SLC22A25: variants seen among roughly 807,000 people sequenced by gnomAD.
SLC22A25 encodes the protein MGI:2442751, MGI:2385316, MGI:3042283, MGI:3645714, MGI:3605624, MGI:2442750.
A neutral mutation model predicts 45.9 loss-of-function variants in SLC22A25; 44 were observed. The observed-to-expected ratio is 0.96, with a 90% CI of 0.75 to 1.23. The LOEUF is 1.23. Among genes scored for constraint, SLC22A25 ranks in the 50% most tolerant of loss-of-function variants. The pLI is 0.00. For synonymous variants in SLC22A25, 283 were observed against 238.6 expected (o/e 1.19, Z -1.72); for missense variants, 800 against 666.4 (o/e 1.20, Z -2.21).
intron 5 of SLC22A25, among the ~76,000 whole-genome samples, chr11:63,226,947 A>G (rs2089974430): frequency 6.6e-6 from 1 of 152,154 alleles, no homozygotes; most frequent in South Asian, 2.1e-4. Context: ...CATGTGGAAT[A>G]CTTCCAGGGT....
At chr11:63,225,250 T>G (rs1354178834) in intron 5 of SLC22A25, among the ~76,000 whole-genome samples, 1 of 151,972 alleles carries the variant, frequency 6.6e-6, no homozygotes, top group African/African-American at 2.4e-5. Flanking sequence ...GATAATTTCT[T>G]ATGGCTCATT....
intron 9 of SLC22A25, chr11:63,166,512 T>G: frequency 1.7e-6 from 2 of 1,207,276 alleles, no homozygotes; most frequent in Admixed American, 8.1e-5. Flanking sequence ...TTTATTTATT[T>G]TAAAAGCAAT....
rs1447994675 is a variant in SLC22A25, at chr11:63,183,633, C to T, written c.954+61G>A. 15 of 1,604,896 alleles carry T rather than the reference C, an allele frequency of 9.3e-6. No homozygotes were observed. In the Admixed American group the frequency reaches 2.5e-4, roughly 27 times the overall value. ...CCTTTATTCACCTTATGAACACCAA[C>T]AAGTATAGATGACAATTTATGTCTT... is the stretch of plus-strand genomic sequence containing the variant. On this transcript the variant is annotated intron_variant, in intron 8 of 11. Transcript: ENST00000306494.
chr11:63,219,222 A>G (rs2089793661), intron 5 of SLC22A25, among the ~76,000 whole-genome samples: 1 of 152,228 alleles, frequency 6.6e-6, no homozygotes, highest in African/African-American at 2.4e-5. Flanking sequence ...GAATTTAAGA[A>G]AATATAAATT....
Position 63,166,154 on chromosome 11 carries a change from G to T in SLC22A25, c.1175C>A (p.Ala392Asp). 6.2e-7 allele frequency: 1 copy of T among 1,614,022 alleles called. No individual in the cohort carries two copies. Among genetic ancestry groups the T allele is most frequent in the Non-Finnish European group, 8.5e-7 (1 of 1,179,966 alleles). The part of the protein sequence containing the change: ...QTLFGAVTLL[A>D]NCVAPWALNH... ...CAGTGCCCAAGGTGCAACACAATTG[G>T]CCAGGAGGGTGACTGCACCAAAGAG... The change falls in exon 10 of 12, where the codon GCC becomes GAC. Residue 392 changes from alanine (A) to aspartate (D), a missense_variant. Physicochemically the swap from Ala to Asp is moderately radical, Grantham distance 126. Coordinates refer to ENST00000306494, the MANE Select transcript of SLC22A25 (RefSeq NM_199352.6).
intron 5 of SLC22A25, among the ~76,000 whole-genome samples, chr11:63,219,467 G>A (rs2134820580): frequency 6.6e-6 from 1 of 152,258 alleles, no homozygotes; most frequent in East Asian, 1.9e-4. Flanking sequence ...ATTCATCCAT[G>A]TTATGGTACA....
intron 9 of SLC22A25, among the ~76,000 whole-genome samples, chr11:63,172,378 T>C (rs939522209): frequency 7.9e-5 from 12 of 152,074 alleles, no homozygotes; most frequent in African/African-American, 2.9e-4. Context: ...ATGGGATAAA[T>C]TTTTGCCATC....
At chr11:63,178,815 T>C (rs1030805184) in intron 9 of SLC22A25, among the ~76,000 whole-genome samples, 3 of 152,142 alleles carry the variant, frequency 2.0e-5, no homozygotes, top group Non-Finnish European at 2.9e-5. Context: ...TTTAGCTTGA[T>C]GTAATTCCAT....
intron 5 of SLC22A25, among the ~76,000 whole-genome samples, chr11:63,225,746 C>T (rs4315076): frequency 0.37 from 55,833 of 151,940 alleles, 10,540 homozygotes; most frequent in East Asian, 0.56. Context: ...TCTGCCTTCT[C>T]GAAGGCCAAT....
rs139417574 is a variant in SLC22A25, at chr11:63,195,009, C to A, written c.831-11192G>T. ...AGTGATCAAAAGAGACAAAGAAGGCCATTACATAATGGTAAAGGGATCAAT... is the reference window on the plus strand; with the variant it reads ...AGTGATCAAAAGAGACAAAGAAGGCAATTACATAATGGTAAAGGGATCAAT... On this transcript the variant is annotated intron_variant, in intron 7 of 11. Coordinates refer to ENST00000306494, the MANE Select transcript of SLC22A25 (RefSeq NM_199352.6). Among the ~76,000 whole-genome samples, 30 of 147,222 alleles carry A rather than the reference C, an allele frequency of 2.0e-4. No individual in the cohort carries two copies. The East Asian group carries it at 6.1e-3, about 30-fold the overall frequency.
At chr11:63,212,359 C>T (rs1282345103) in intron 7 of SLC22A25, among the ~76,000 whole-genome samples, 1 of 152,162 alleles carries the variant, frequency 6.6e-6, no homozygotes, top group Non-Finnish European at 1.5e-5. Flanking sequence ...TATAAAGACA[C>T]ACGCACACGT....
Position 63,230,049 on chromosome 11 carries a change from A to G in SLC22A25, c.-397T>C, listed in dbSNP as rs1056795624. Among the ~76,000 whole-genome samples, 1 of 152,240 alleles carries G rather than the reference A, an allele frequency of 6.6e-6. No individual in the cohort carries two copies. Among genetic ancestry groups the G allele is most frequent in the African/African-American group, 2.4e-5 (1 of 41,470 alleles). Reference sequence around the variant, plus strand: ...CTGCTACTTGGTATGCAGTCTTTCCAGAACGTGTAATCTGTGGGACTCAAA... The same window carrying G: ...CTGCTACTTGGTATGCAGTCTTTCCGGAACGTGTAATCTGTGGGACTCAAA... On this transcript the variant is annotated 5_prime_UTR_variant, in exon 4 of 12. Transcript: ENST00000306494.
At chr11:63,206,163 A>G (rs1382314040) in intron 7 of SLC22A25, among the ~76,000 whole-genome samples, 2 of 152,338 alleles carry the variant, frequency 1.3e-5, no homozygotes, top group African/African-American at 2.4e-5. Context: ...TTTATTATGA[A>G]CCTATAGCCA....
chr11:63,164,159 G>A (rs1360485544), intron 11 of SLC22A25, 86 bp from the exon 12 acceptor site: 3 of 1,484,050 alleles, frequency 2.0e-6, no homozygotes, highest in African/African-American at 2.8e-5. Context: ...GATTATGGAT[G>A]AGCACTTAAA....
At chr11:63,203,367 A>C (rs555581641) in intron 7 of SLC22A25, among the ~76,000 whole-genome samples, 97 of 152,172 alleles carry the variant, frequency 6.4e-4, no homozygotes, top group Non-Finnish European at 8.8e-5. Flanking sequence ...TCTGAGCTAA[A>C]GGAGCATGTT....
intron 11 of SLC22A25, 61 bp downstream of exon 11, chr11:63,164,462 TAAG>T: frequency 7.2e-7 from 1 of 1,379,848 alleles, no homozygotes; most frequent in Non-Finnish European, 1.0e-6. Flanking sequence ...TTTCCCTTGT[TAAG>T]TGTCAATTGG....
chr11:63,167,500 T>G (rs1379092316), intron 9 of SLC22A25: 1 of 152,332 alleles, frequency 6.6e-6, no homozygotes, highest in Non-Finnish European at 1.5e-5. Flanking sequence ...CCACCATTAC[T>G]GAGGCTTGTG....
chr11:63,177,496 T>C (rs972531313), intron 9 of SLC22A25, among the ~76,000 whole-genome samples: 1 of 151,952 alleles, frequency 6.6e-6, no homozygotes. Context: ...GAAAACTAGA[T>C]CTTATTTTTT....
Position 63,210,777 on chromosome 11 carries a change from G to A in SLC22A25, c.830+6537C>T, listed in dbSNP as rs1002081133. On this transcript the variant is annotated intron_variant, in intron 7 of 11. Transcript: ENST00000306494. ...CTCCACGAAGAACTGTGCTACTATC[G>A]TAGGGGCTACTGGGGCCAAAGAAAA... 5.9e-5 allele frequency among the ~76,000 whole-genome samples: 9 copies of A among 152,142 alleles called. No homozygotes were observed. In the South Asian group the frequency reaches 1.0e-3, roughly 18 times the overall value.
Sources: gnomAD v4.1 joint callset for allele counts (sites outside exome capture counted in the v4.1 genomes callset) on GRCh38, gnomAD v4.1.1 for gene constraint, MANE v1.5 for transcripts, NCBI Gene and HGNC (gene_info 2026-07-23, HGNC 2026-07-21) for gene names.